ANKRD24: variants seen among roughly 807,000 people sequenced by gnomAD.
ANKRD24 encodes ankyrin repeat domain 24, also known as ankyrin repeat domain-containing protein 24.
ANKRD24 carries 109 observed loss-of-function variants against 127.8 expected under a neutral mutation model. That is an observed-to-expected ratio of 0.85 (90% CI 0.73 to 1.00). The LOEUF (loss-of-function observed/expected upper bound fraction) is 1.00, where lower values mean the gene tolerates loss of function less well. Among genes scored for constraint, ANKRD24 ranks in the 50% least tolerant of loss-of-function variants. The pLI, the probability that ANKRD24 is intolerant of heterozygous loss-of-function variation, is 0.00. For synonymous variants in ANKRD24, 743 were observed against 671.1 expected, an observed-to-expected ratio of 1.11 and a Z score of -1.66; for missense variants, 1,648 against 1,570.2, an observed-to-expected ratio of 1.05 and a Z score of -0.84.
intron 2 of ANKRD24, among the ~76,000 whole-genome samples, chr19:4,194,614 G>A (rs531194806): frequency 6.6e-6 from 1 of 152,316 alleles, no homozygotes; most frequent in South Asian, 2.1e-4. Context: ...ATTTTAAGCT[G>A]AGTGAGGTCT....
chr19:4,183,123 C>T (rs1457769948), intron 1 of ANKRD24, among the ~76,000 whole-genome samples: 1 of 152,026 alleles, frequency 6.6e-6, no homozygotes, highest in African/African-American at 2.4e-5. Context: ...GGATTACAGG[C>T]GCCCGCCACC....
intron 2 of ANKRD24, among the ~76,000 whole-genome samples, chr19:4,188,993 A>G (rs140474980): frequency 0.016 from 2,453 of 151,582 alleles, 67 homozygotes; most frequent in African/African-American, 0.056. Context: ...TATTTTTAGT[A>G]GAGACAGGGT....
chr19:4,210,341 T>C lies in ANKRD24; in HGVS notation c.1028T>C (p.Leu343Pro). The C allele has an allele frequency of 1.4e-5, 22 of 1,573,180 alleles. No homozygotes were observed. The highest frequency in any genetic ancestry group is 1.9e-5 in the Non-Finnish European group (22 of 1,159,908). ...RGRLLQKIRG[L>P]EQHKERRQQE... Reference sequence around the variant, plus strand: ...CGCCTCCTGCAGAAGATCCGGGGCCTGGAACAGCACAAGGAACGGAGGCAG... The same window carrying C: ...CGCCTCCTGCAGAAGATCCGGGGCCCGGAACAGCACAAGGAACGGAGGCAG... Residue 343 changes from leucine (L) to proline (P), a missense_variant, in exon 13 of 22, where the codon CTG becomes CCG. Leu to Pro is a moderately conservative substitution (Grantham distance 98). Coordinates refer to ENST00000318934, the MANE Select transcript of ANKRD24 (RefSeq NM_001393985.1).
chr19:4,219,838 T>C, intron 19 of ANKRD24, 80 bp downstream of exon 19: 1 of 1,423,812 alleles, frequency 7.0e-7, no homozygotes, highest in Non-Finnish European at 9.3e-7. Flanking sequence ...AGGTCCTCAC[T>C]GCAAGGGCCT....
In ANKRD24 at chr19:4,223,029, T is replaced by C. The variant is rs530335592; in HGVS notation, c.3297+234T>C. ...GGCACAATCTCAGCTCACTGCAGCC[T>C]CCACCTTCCGGGTTTAAGCAATTTT... On this transcript the variant is annotated intron_variant, in intron 20 of 21. Coordinates refer to ENST00000318934, the MANE Select transcript of ANKRD24 (RefSeq NM_001393985.1). 2.8e-4 allele frequency among the ~76,000 whole-genome samples: 42 copies of C among 151,996 alleles called. 3 individuals are homozygous for C. In the South Asian group the frequency reaches 8.5e-3, roughly 31 times the overall value.
chr19:4,206,592 G>A (rs543108912), intron 7 of ANKRD24, among the ~76,000 whole-genome samples: 7 of 152,142 alleles, frequency 4.6e-5, no homozygotes, highest in African/African-American at 4.8e-5. Context: ...CCAGGAGTTC[G>A]GGACCAGTCT....
At chr19:4,209,147 G>A (rs1355598690) in intron 11 of ANKRD24, among the ~76,000 whole-genome samples, 2 of 152,034 alleles carry the variant, frequency 1.3e-5, no homozygotes, top group African/African-American at 4.8e-5. Context: ...GTCTCACTCT[G>A]TCGCCCAGGC....
chr19:4,218,262 T>C, intron 18 of ANKRD24, 99 bp downstream of exon 18: 1 of 988,592 alleles, frequency 1.0e-6, no homozygotes, highest in Non-Finnish European at 1.3e-6. Context: ...CCATCAGTTT[T>C]ACTTGAACAG....
chr19:4,202,140 A>T, intron 6 of ANKRD24, 50 bp downstream of exon 6: 1 of 1,537,678 alleles, frequency 6.5e-7, no homozygotes, highest in Non-Finnish European at 9.0e-7. Context: ...ACTACTCCTG[A>T]GTTCCAGCAA....
At chr19:4,191,702 G>C (rs1028189230) in intron 2 of ANKRD24, among the ~76,000 whole-genome samples, 1 of 151,476 alleles carries the variant, frequency 6.6e-6, no homozygotes, top group Non-Finnish European at 1.5e-5. Flanking sequence ...GGTTGGTCTC[G>C]AACTCCTGAC....
intron 15 of ANKRD24, among the ~76,000 whole-genome samples, chr19:4,214,811 G>A (rs1330283635): frequency 3.9e-5 from 6 of 152,064 alleles, no homozygotes; most frequent in Non-Finnish European, 8.8e-5. Flanking sequence ...CCAAGATCAC[G>A]CCACTGCACT....
At position 4,217,426 on chromosome 19, in the gene ANKRD24, G is replaced by A. The variant is rs1259888620; in HGVS notation, c.2266G>A (p.Ala756Thr). 5 of 1,542,732 alleles carry A rather than the reference G, an allele frequency of 3.2e-6. No homozygotes were observed. In the Admixed American group the frequency reaches 1.0e-4, roughly 31 times the overall value. Residue 756 changes from alanine to threonine, a missense_variant, in exon 18 of 22, where the codon GCC (alanine) becomes ACC (threonine). Physicochemically the swap from Ala to Thr is moderately conservative, Grantham distance 58. Transcript: ENST00000318934. ...ELEAALGKCE[A>T]AEAEAGRLRE... ...GGAGGCGGCCCTGGGGAAGTGCGAG[G>A]CCGCGGAGGCCGAGGCAGGCCGGCT...
intron 7 of ANKRD24, among the ~76,000 whole-genome samples, chr19:4,203,440 G>A (rs1263475979): frequency 3.3e-5 from 5 of 151,380 alleles, no homozygotes; most frequent in East Asian, 1.9e-4. Flanking sequence ...TTGACCTCCC[G>A]GGTTCAAACG....
chr19:4,213,251 T>C (rs537893242), intron 15 of ANKRD24, among the ~76,000 whole-genome samples: 7 of 91,334 alleles, frequency 7.7e-5, no homozygotes, highest in African/African-American at 2.8e-4. Context: ...CCTTCCTTCC[T>C]TTCCTTCTTT....
intron 19 of ANKRD24, among the ~76,000 whole-genome samples, chr19:4,220,555 G>T (rs1210983671): frequency 1.3e-5 from 2 of 151,720 alleles, no homozygotes; most frequent in African/African-American, 4.9e-5. Context: ...TTTTTTTATT[G>T]TTGTTTTGTT....
At chr19:4,208,937 A>T in intron 11 of ANKRD24, 136 bp downstream of exon 11, 4 of 855,340 alleles carry the variant, frequency 4.7e-6, no homozygotes, top group East Asian at 3.5e-5. Flanking sequence ...CCTTCAGGGT[A>T]TGCTGCCACC....
Position 4,199,854 on chromosome 19 carries a change from A to G in ANKRD24, c.124-21A>G. The G allele has an allele frequency of 6.4e-7, 1 of 1,556,316 alleles. No individual in the cohort carries two copies. The highest frequency in any genetic ancestry group is 8.7e-7 in the Non-Finnish European group (1 of 1,150,016). ...GACAGCAGCCAACACTGCCCCACGC[A>G]CTTCTGGGCGTGCCCTGCAGAGTCA... On this transcript the variant is annotated intron_variant, in intron 3 of 21. Coordinates refer to ENST00000318934, the MANE Select transcript of ANKRD24 (RefSeq NM_001393985.1). The surrounding 1 kb of genome is among the most constrained non-coding windows in gnomAD (Gnocchi z 5.2).
intron 12 of ANKRD24, 28 bp from the exon 13 acceptor site, chr19:4,210,237 C>A: frequency 1.9e-6 from 3 of 1,563,592 alleles, no homozygotes; most frequent in Middle Eastern, 3.4e-4. Flanking sequence ...TAGGCCCCAT[C>A]TAAAGGCCGT....
At chr19:4,201,361 G>C (rs1436013436) in intron 5 of ANKRD24, among the ~76,000 whole-genome samples, 1 of 152,076 alleles carries the variant, frequency 6.6e-6, no homozygotes, top group Non-Finnish European at 1.5e-5. Flanking sequence ...GGAAGAGGAA[G>C]GGTATATGGA....
Sources: gnomAD v4.1 joint callset for allele counts (sites outside exome capture counted in the v4.1 genomes callset) on GRCh38, gnomAD v4.1.1 for gene constraint, Gnocchi (gnomAD v3.1) non-coding constraint, MANE v1.5 for transcripts, NCBI Gene and HGNC (gene_info 2026-07-23, HGNC 2026-07-21) for gene names.